The following PLXNA1 variants were observed in gnomAD, a reference collection of about 807,000 sequenced individuals.
PLXNA1 encodes the protein plexin-A1.
A neutral mutation model predicts 191.7 loss-of-function variants in PLXNA1; 77 were observed. The ratio of observed to expected loss-of-function variants is 0.40; its 90% confidence interval spans 0.33 to 0.49. The LOEUF (loss-of-function observed/expected upper bound fraction) is 0.49. Ranked by LOEUF, PLXNA1 falls within the 20% of genes least tolerant of loss-of-function variation. The probability of loss-of-function intolerance (pLI) is 0.63; values close to 1 mark genes in which losing one functional copy is unlikely to be tolerated. For missense variants in PLXNA1, 2,110 were observed against 2,660.2 expected, an observed-to-expected ratio of 0.79 and a Z score of 4.55; for synonymous variants, 1,137 against 1,156.4, an observed-to-expected ratio of 0.98 and a Z score of 0.34.
At position 127,034,353 on chromosome 3, in the gene PLXNA1, T is replaced by A; in HGVS notation, c.*336T>A. 1 of 233,122 alleles carries A rather than the reference T, an allele frequency of 4.3e-6. No individual in the cohort carries two copies. Among genetic ancestry groups the A allele is most frequent in the Non-Finnish European group, 8.4e-6 (1 of 119,418 alleles). 14.4% of individuals were successfully genotyped at this position (233,122 alleles called of 1,614,324 possible). The stretch of plus-strand genomic sequence containing the variant: ...GGCTGACCTCTGAGGGGCTGAGGGG[T>A]GAGGCCAGGGCCCTCCAGGGGGAGG... On this transcript the variant is annotated 3_prime_UTR_variant, in exon 32 of 32. Transcript: ENST00000393409.
At chr3:126,994,648 C>G (rs1195966401) in intron 3 of PLXNA1, among the ~76,000 whole-genome samples, 1 of 152,208 alleles carries the variant, frequency 6.6e-6, no homozygotes, top group Non-Finnish European at 1.5e-5. Flanking sequence ...GCTGGCCACA[C>G]AGGCCTCTAC....
chr3:127,035,570 GTTGAA>G lies in PLXNA1; in HGVS notation c.*1555_*1559del, dbSNP rs2079237093. Reference sequence around the variant, plus strand: ...AGTTGATCTTTTTAAAACTGCAAGTGTTGAATACTAGAGGTTGTTAGACCCTTTTT... The same window carrying G: ...AGTTGATCTTTTTAAAACTGCAAGTGTACTAGAGGTTGTTAGACCCTTTTT... On this transcript the variant is annotated 3_prime_UTR_variant, in exon 32 of 32. Coordinates refer to ENST00000393409, the MANE Select transcript of PLXNA1 (RefSeq NM_032242.4). The G allele has an allele frequency of 1.3e-5, 2 of 152,770 alleles. No individual in the cohort carries two copies. The highest frequency in any genetic ancestry group is 6.5e-5 in the Admixed American group (1 of 15,306). 9.5% of individuals were successfully genotyped at this position (152,770 alleles called of 1,614,324 possible).
At position 126,991,402 on chromosome 3, in the gene PLXNA1, G is replaced by A. The variant is rs762224493; in HGVS notation, c.1213G>A (p.Asp405Asn). The change falls in exon 3 of 32, where the codon GAC becomes AAC. Residue 405 changes from aspartate to asparagine, a missense_variant. Asp to Asn is a conservative substitution (Grantham distance 23). This residue lies in a region of PLXNA1 where 903 missense variants were observed against 1,015.7 expected (regional missense o/e 0.89). Transcript: ENST00000393409. ...CINSPLQIDDDFCGQDFNQPL... is the reference protein window; with the variant it reads ...CINSPLQIDDNFCGQDFNQPL... ...CCCACAGCCCCTGCAGATCGATGACGACTTCTGCGGGCAGGACTTCAACCA... is the reference window on the plus strand; with the variant it reads ...CCCACAGCCCCTGCAGATCGATGACAACTTCTGCGGGCAGGACTTCAACCA... 6.2e-6 allele frequency: 10 copies of A among 1,612,626 alleles called. No homozygotes were observed. The highest frequency in any genetic ancestry group is 2.2e-5 in the East Asian group (1 of 44,890).
chr3:127,006,046 AG>A, intron 7 of PLXNA1, 32 bp from the exon 8 acceptor site: 1 of 1,555,208 alleles, frequency 6.4e-7, no homozygotes, highest in South Asian at 1.1e-5. Context: ...CTGGGCAAGC[AG>A]TCCTGGTGAC....
chr3:127,012,663 G>A (rs73196554), intron 10 of PLXNA1, among the ~76,000 whole-genome samples: 13,445 of 152,340 alleles, frequency 0.088, 775 homozygotes, highest in Middle Eastern at 0.22. Context: ...ACTAGCAGAC[G>A]GTTGTTGCCT....
At position 127,015,332 on chromosome 3, in the gene PLXNA1, A is replaced by G. The variant is rs1461717947; in HGVS notation, c.3014+12A>G. 9.0e-5 allele frequency: 78 copies of G among 863,508 alleles called. No individual in the cohort carries two copies. Among genetic ancestry groups the G allele is most frequent in the South Asian group, 1.2e-4 (9 of 74,886 alleles). The allele number at this position is 863,508 out of a possible 1,614,324, so 53.5% of individuals were successfully genotyped here. On this transcript the variant is annotated intron_variant, in intron 15 of 31. Coordinates refer to ENST00000393409, the MANE Select transcript of PLXNA1 (RefSeq NM_032242.4). Reference sequence around the variant, plus strand: ...TGCTCCTTCTCCTGGTACGGGGTGCAGGTGGGGGTGGGGGCCTGGCTGCCC... The same window carrying G: ...TGCTCCTTCTCCTGGTACGGGGTGCGGGTGGGGGTGGGGGCCTGGCTGCCC...
Position 126,988,508 on chromosome 3 carries a change from G to T in PLXNA1, c.-73-13G>T. On this transcript the variant is annotated splice_polypyrimidine_tract_variant and intron_variant, in intron 1 of 31. Transcript: ENST00000393409. ...TGCCTGCATTCACATGCCCTCTTCTGCCCCTTCCCCAGGGCTGAAGCTCCT... is the reference window on the plus strand; with the variant it reads ...TGCCTGCATTCACATGCCCTCTTCTTCCCCTTCCCCAGGGCTGAAGCTCCT... 2 of 1,203,164 alleles carry T rather than the reference G, an allele frequency of 1.7e-6. No individual in the cohort carries two copies. Among genetic ancestry groups the T allele is most frequent in the Non-Finnish European group, 2.3e-6 (2 of 887,510 alleles). 74.5% of individuals were successfully genotyped at this position (1,203,164 alleles called of 1,614,324 possible). A position where few individuals can be genotyped will look rare whatever the true frequency, so the allele number is the denominator to read the frequency against.
At chr3:127,007,771 G>T in intron 8 of PLXNA1, 28 bp from the exon 9 acceptor site, 1 of 1,530,546 alleles carries the variant, frequency 6.5e-7, no homozygotes, top group African/African-American at 1.4e-5. Context: ...CGGGTCCCCA[G>T]GCTTCAGCAC....
chr3:127,028,797 T>A (rs1019243633), intron 25 of PLXNA1, 196 bp from the exon 26 acceptor site: 13 of 592,728 alleles, frequency 2.2e-5, no homozygotes, highest in Non-Finnish European at 3.6e-5. Context: ...CTGGGGCTGC[T>A]GTGGCAGATT....
At chr3:126,992,444 C>T (rs940564401) in intron 3 of PLXNA1, among the ~76,000 whole-genome samples, 14 of 152,126 alleles carry the variant, frequency 9.2e-5, no homozygotes, top group African/African-American at 3.4e-4. Flanking sequence ...CGGGGGCTGG[C>T]CAGGGCTTGC....
chr3:126,983,958 G>A (rs1487540805), intron 1 of PLXNA1, among the ~76,000 whole-genome samples: 1 of 152,196 alleles, frequency 6.6e-6, no homozygotes, highest in African/African-American at 2.4e-5. Context: ...AGTGCGGGGA[G>A]GTGGGCTCTG....
At chr3:126,996,520 G>A (rs1465932782) in intron 3 of PLXNA1, among the ~76,000 whole-genome samples, 2 of 152,210 alleles carry the variant, frequency 1.3e-5, no homozygotes, top group East Asian at 1.9e-4. Flanking sequence ...CTTCAGGTCT[G>A]TAGTGAGCCT....
rs374901417 is a variant in PLXNA1, at chr3:126,989,548, C to A, written c.955C>A (p.Arg319=). ...CCTGGTGCAGGATGCCTACCTGAGC[C>A]GGCCCGGCCGTGCCCTGGCCCACCA... ...YRLVQDAYLS[R]PGRALAHQLG... is the part of the protein sequence containing the mutation. Residue 319 remains arginine, a synonymous_variant, in exon 2 of 32, where the codon CGG becomes AGG. Coordinates refer to ENST00000393409, the MANE Select transcript of PLXNA1 (RefSeq NM_032242.4). 5.2e-5 allele frequency: 84 copies of A among 1,613,106 alleles called. No homozygotes were observed. The highest frequency in any genetic ancestry group is 6.9e-5 in the Non-Finnish European group (81 of 1,180,036).
Position 127,017,621 on chromosome 3 carries a change from C to A in PLXNA1, c.3473C>A (p.Thr1158Asn). 1.2e-6 allele frequency: 2 copies of A among 1,613,656 alleles called. No homozygotes were observed. Among genetic ancestry groups the A allele is most frequent in the South Asian group, 1.1e-5 (1 of 91,088 alleles). Residue 1158 changes from threonine (T) to asparagine (N), a missense_variant, in exon 18 of 32, where the codon ACT becomes AAT. By Grantham distance (65) the Thr-to-Asn change is moderately conservative. Coordinates refer to ENST00000393409, the MANE Select transcript of PLXNA1 (RefSeq NM_032242.4). ...PDPVLEPLSP[T>N]GLLELKPSSP... ...CCCGTACTGGAGCCACTCAGCCCCA[C>A]TGGCCTGCTGGAGCTGAAGCCCAGC...
rs759004029 is a variant in PLXNA1 at position 127,003,422 on chromosome 3, C to G, written c.1470C>G (p.Leu490=). 11 of 1,612,208 alleles carry G rather than the reference C, an allele frequency of 6.8e-6. No homozygotes were observed. Among genetic ancestry groups the G allele is most frequent in the Non-Finnish European group, 6.8e-6 (8 of 1,179,600 alleles). ...AQEGSPILRD[L]VLSPNHQYLY... is the part of the protein sequence containing the mutation. ...AGGGCAGCCCCATCCTGCGAGACCT[C>G]GTCCTCAGCCCCAACCACCAGTACC... is the stretch of plus-strand genomic sequence containing the variant. The change falls in exon 4 of 32, where the codon CTC becomes CTG. Residue 490 remains leucine (L), a synonymous_variant. Coordinates refer to ENST00000393409, the MANE Select transcript of PLXNA1 (RefSeq NM_032242.4).
chr3:126,984,029 C>T (rs2078945173), intron 1 of PLXNA1, among the ~76,000 whole-genome samples: 1 of 152,210 alleles, frequency 6.6e-6, no homozygotes, highest in African/African-American at 2.4e-5. Context: ...CGGGGCCTCT[C>T]CAGGGTCAGC....
rs1238592885 is a variant in PLXNA1 at position 127,030,498 on chromosome 3, C to A, written c.5231+86C>A. The A allele has an allele frequency of 8.5e-5, 129 of 1,512,818 alleles. 1 individual carries two copies. The highest frequency in any genetic ancestry group is 1.1e-4 in the Non-Finnish European group (124 of 1,119,062). 93.7% of individuals were successfully genotyped at this position (1,512,818 alleles called of 1,614,324 possible). On this transcript the variant is annotated intron_variant, in intron 29 of 31. Coordinates refer to ENST00000393409, the MANE Select transcript of PLXNA1 (RefSeq NM_032242.4). ...GCCCTCGCCCTGTTCTGATCCGGAG[C>A]CCCCACTTGGGGCTCCCTGGCGTGG... is the stretch of plus-strand genomic sequence containing the variant.
At chr3:126,999,708 C>T (rs1014357483) in intron 3 of PLXNA1, among the ~76,000 whole-genome samples, 2 of 152,102 alleles carry the variant, frequency 1.3e-5, no homozygotes, top group Non-Finnish European at 2.9e-5. Flanking sequence ...GTGGGTACAG[C>T]CAGCAGGGCC....
chr3:127,033,925 C>T lies in PLXNA1; in HGVS notation c.5599C>T (p.Leu1867=). 6.3e-7 allele frequency: 1 copy of T among 1,598,188 alleles called. No individual in the cohort carries two copies. The highest frequency in any genetic ancestry group is 1.7e-5 in the Admixed American group (1 of 57,656). The change falls in exon 32 of 32, where the codon CTG becomes TTG. Residue 1867 remains leucine, a synonymous_variant. Transcript: ENST00000393409. The part of the protein sequence containing the change: ...SYITKYKDEI[L]AALEKDEQAR... ...GACAGTTCTCCTGGCCCTGCAGATC[C>T]TGGCAGCCCTGGAGAAGGATGAGCA... is the stretch of plus-strand genomic sequence containing the variant.
Sources: allele counts gnomAD v4.1 joint callset (sites outside exome capture counted in the v4.1 genomes callset), GRCh38; gene constraint gnomAD v4.1.1; regional missense constraint gnomAD v4.1.1; transcripts MANE v1.5; gene names NCBI Gene and HGNC (gene_info 2026-07-23, HGNC 2026-07-21).